HNRNPLL: variants seen among roughly 807,000 people sequenced by gnomAD.
HNRNPLL encodes the protein heterogeneous nuclear ribonucleoprotein L like.
In HNRNPLL, 25 loss-of-function variants were observed where a neutral mutation model predicts 67.1. The observed-to-expected ratio is 0.37, with a 90% CI of 0.27 to 0.52. The LOEUF is 0.52. Ranked by LOEUF, HNRNPLL falls within the 20% of genes least tolerant of loss-of-function variation. The probability of loss-of-function intolerance (pLI) is 0.90; values close to 1 mark genes in which losing one functional copy is unlikely to be tolerated. For synonymous variants in HNRNPLL, 267 were observed against 241.7 expected, an observed-to-expected ratio of 1.10 and a Z score of -0.97; for missense variants, 542 against 673.9, an observed-to-expected ratio of 0.80 and a Z score of 2.17.
At chr2:38,572,523 C>T (rs1666132937) in intron 8 of HNRNPLL, among the ~76,000 whole-genome samples, 1 of 152,010 alleles carries the variant, frequency 6.6e-6, no homozygotes, top group Non-Finnish European at 1.5e-5. Context: ...CATTCATTTT[C>T]CTAGTTAAAT....
At chr2:38,573,655 T>G (rs755553849) in intron 7 of HNRNPLL, among the ~76,000 whole-genome samples, 1 of 151,940 alleles carries the variant, frequency 6.6e-6, no homozygotes, top group Non-Finnish European at 1.5e-5. Flanking sequence ...TATACCTGCA[T>G]ACACCAGGCT....
intron 1 of HNRNPLL, among the ~76,000 whole-genome samples, chr2:38,596,172 C>G (rs1047513835): frequency 2.0e-5 from 3 of 152,076 alleles, no homozygotes; most frequent in Non-Finnish European, 4.4e-5. Flanking sequence ...GCTTCGTTTT[C>G]CCCCTTTTCC....
intron 9 of HNRNPLL, 113 bp downstream of exon 9, chr2:38,569,691 G>C (rs986095938): frequency 1.7e-6 from 1 of 578,944 alleles, no homozygotes. Context: ...TGTTGTTTCA[G>C]ATGTGCCCTC....
At chr2:38,582,313 T>TTTTTG (rs1270265597) in intron 4 of HNRNPLL, 145 bp from the exon 5 acceptor site, 28 of 699,848 alleles carry the variant, frequency 4.0e-5, no homozygotes, top group Non-Finnish European at 5.7e-5. Flanking sequence ...TTAAGAGAAT[T>TTTTTG]TTTTGTTTTG....
intron 6 of HNRNPLL, among the ~76,000 whole-genome samples, chr2:38,578,551 T>C (rs1392315425): frequency 6.6e-6 from 1 of 152,072 alleles, no homozygotes; most frequent in Non-Finnish European, 1.5e-5. Flanking sequence ...TGAGAAATAC[T>C]TTAATTTTCA....
chr2:38,586,007 G>T, intron 2 of HNRNPLL, 126 bp from the exon 3 acceptor site: 1 of 684,594 alleles, frequency 1.5e-6, no homozygotes, highest in Non-Finnish European at 2.6e-6. Flanking sequence ...TTCACTACCT[G>T]TGTCCAACGT....
At chr2:38,588,231 T>C (rs996501008) in intron 2 of HNRNPLL, among the ~76,000 whole-genome samples, 4 of 152,100 alleles carry the variant, frequency 2.6e-5, no homozygotes, top group African/African-American at 9.7e-5. Flanking sequence ...ATAGACTTAG[T>C]AAATTTGCTT....
At chr2:38,571,986 A>G (rs1401887231) in intron 8 of HNRNPLL, among the ~76,000 whole-genome samples, 1 of 152,168 alleles carries the variant, frequency 6.6e-6, no homozygotes, top group South Asian at 2.1e-4. Flanking sequence ...GATTGTCTGC[A>G]TATGTGAAAA....
Position 38,577,447 on chromosome 2 carries a change from C to A in HNRNPLL, c.874+14G>T, listed in dbSNP as rs199960112. ...GTTCATCTATACTACCTTCTTTCTACCTTGACAACTTACCATAGCCATCAT... is the reference window on the plus strand; with the variant it reads ...GTTCATCTATACTACCTTCTTTCTAACTTGACAACTTACCATAGCCATCAT... On this transcript the variant is annotated intron_variant, in intron 7 of 12. Coordinates refer to ENST00000449105, the MANE Select transcript of HNRNPLL (RefSeq NM_138394.4). 15 of 1,541,918 alleles carry A rather than the reference C, an allele frequency of 9.7e-6. 1 individual carries two copies. Among genetic ancestry groups the A allele is most frequent in the Middle Eastern group, 1.7e-4 (1 of 5,954 alleles).
intron 6 of HNRNPLL, among the ~76,000 whole-genome samples, chr2:38,579,842 T>C (rs890159103): frequency 6.6e-6 from 1 of 152,146 alleles, no homozygotes; most frequent in African/African-American, 2.4e-5. Context: ...CTAAGAGCTC[T>C]ACAGAAACAA....
intron 2 of HNRNPLL, 138 bp downstream of exon 2, chr2:38,591,392 T>C: frequency 1.5e-6 from 1 of 648,432 alleles, no homozygotes; most frequent in Non-Finnish European, 2.8e-6. Flanking sequence ...AGAAATACAG[T>C]CATAGGCAAA....
At chr2:38,585,569 A>T (rs1666691633) in intron 3 of HNRNPLL, 75 bp downstream of exon 3, 4 of 862,326 alleles carry the variant, frequency 4.6e-6, no homozygotes, top group Non-Finnish European at 7.7e-6. Context: ...GGCAATGAAA[A>T]AACTACAGAT....
intron 1 of HNRNPLL, among the ~76,000 whole-genome samples, chr2:38,593,642 A>G (rs1445543153): frequency 6.6e-6 from 1 of 152,200 alleles, no homozygotes; most frequent in Non-Finnish European, 1.5e-5. Flanking sequence ...GTAATCCAGC[A>G]CTTTGGGAGG....
At position 38,577,471 on chromosome 2, in the gene HNRNPLL, A is replaced by T; in HGVS notation, c.864T>A (p.His288Gln). The T allele has an allele frequency of 3.7e-6, 6 of 1,600,928 alleles. No individual in the cohort carries two copies. The highest frequency in any genetic ancestry group is 4.3e-6 in the Non-Finnish European group (5 of 1,168,226). The change falls in exon 7 of 13, where the codon CAT becomes CAA. Residue 288 changes from histidine to glutamine, a missense_variant. Physicochemically the swap from His to Gln is conservative, Grantham distance 24. Around this residue, in one of 2 missense-constraint regions of HNRNPLL, gnomAD observed 415 missense variants for 575.2 expected, o/e 0.72. Transcript: ENST00000449105. ...ILGEHPSSFR[H>Q]DGYGSHGPLL... is the part of the protein sequence containing the mutation. ...ACCTTGACAACTTACCATAGCCATC[A>T]TGTCTAAACGAAGAAGGGTGTTCTC...
intron 1 of HNRNPLL, among the ~76,000 whole-genome samples, chr2:38,594,674 C>T (rs1245098506): frequency 1.3e-5 from 2 of 152,144 alleles, no homozygotes; most frequent in African/African-American, 2.4e-5. Flanking sequence ...CAAGGCCAGG[C>T]ACAGTGGCTC....
chr2:38,570,482 T>C (rs887939041), intron 8 of HNRNPLL, among the ~76,000 whole-genome samples: 1 of 152,162 alleles, frequency 6.6e-6, no homozygotes, highest in African/African-American at 2.4e-5. Context: ...TAATACAAAA[T>C]AGCCTTGAGA....
At chr2:38,599,723 T>G (rs187014316) in intron 1 of HNRNPLL, among the ~76,000 whole-genome samples, 1 of 152,234 alleles carries the variant, frequency 6.6e-6, no homozygotes, top group Non-Finnish European at 1.5e-5. Context: ...AGAGCCTTTG[T>G]AGAACCACTA....
chr2:38,590,265 T>A (rs1666905914), intron 2 of HNRNPLL, among the ~76,000 whole-genome samples: 1 of 152,204 alleles, frequency 6.6e-6, no homozygotes, highest in South Asian at 2.1e-4. Flanking sequence ...AATAACCCAT[T>A]TCTGCTGGAT....
chr2:38,599,158 T>C (rs944866263), intron 1 of HNRNPLL, among the ~76,000 whole-genome samples: 1 of 152,260 alleles, frequency 6.6e-6, no homozygotes, highest in Non-Finnish European at 1.5e-5. Flanking sequence ...ATCCTTTGTT[T>C]GGAAATCCTA....
Sources: allele counts gnomAD v4.1 joint callset (sites outside exome capture counted in the v4.1 genomes callset), GRCh38; gene constraint gnomAD v4.1.1; regional missense constraint gnomAD v4.1.1; transcripts MANE v1.5; gene names NCBI Gene and HGNC (gene_info 2026-07-23, HGNC 2026-07-21).